Variants in GTF3C5 observed in about 807,000 individuals in gnomAD.
GTF3C5 encodes general transcription factor 3C polypeptide 5.
GTF3C5 carries 47 observed loss-of-function variants against 61.0 expected under a neutral mutation model. That is an observed-to-expected ratio of 0.77 (90% confidence interval 0.61 to 0.98). The LOEUF (loss-of-function observed/expected upper bound fraction) is 0.98, where lower values mean the gene tolerates loss of function less well. Ranked by LOEUF, GTF3C5 falls within the 50% of genes least tolerant of loss-of-function variation. GTF3C5 has a pLI of 0.00. For synonymous variants in GTF3C5, 295 were observed against 275.4 expected, an observed-to-expected ratio of 1.07 and a Z score of -0.71; for missense variants, 659 against 703.3, an observed-to-expected ratio of 0.94 and a Z score of 0.71.
chr9:133,035,340 G>A (rs982075699), intron 1 of GTF3C5, among the ~76,000 whole-genome samples: 1 of 152,106 alleles, frequency 6.6e-6, no homozygotes, highest in Non-Finnish European at 1.5e-5. Flanking sequence ...ACTTTGGGAC[G>A]GTCTTAACCC....
intron 3 of GTF3C5, 160 bp downstream of exon 3, chr9:133,044,086 A>G (rs566783618): frequency 4.5e-6 from 2 of 449,118 alleles, no homozygotes; most frequent in East Asian, 9.1e-5. Context: ...CGGAGGTTGC[A>G]GTGAGCCAAG....
chr9:133,056,726 G>C, intron 9 of GTF3C5, 40 bp from the exon 10 acceptor site: 1 of 1,544,904 alleles, frequency 6.5e-7, no homozygotes, highest in Non-Finnish European at 8.7e-7. Flanking sequence ...GCAGAGACCC[G>C]CCCTGGGACT....
intron 4 of GTF3C5, among the ~76,000 whole-genome samples, chr9:133,051,655 C>G (rs1008833178): frequency 6.6e-6 from 1 of 152,224 alleles, no homozygotes; most frequent in Non-Finnish European, 1.5e-5. Context: ...GCAGTCCTCC[C>G]CGGGCCAGGC....
At chr9:133,053,156 A>G (rs540380387) in intron 5 of GTF3C5, among the ~76,000 whole-genome samples, 1 of 152,246 alleles carries the variant, frequency 6.6e-6, no homozygotes, top group South Asian at 2.1e-4. Flanking sequence ...GGCTTTTTAG[A>G]CATAAGCCAT....
At chr9:133,046,676 A>G (rs1163559441) in intron 3 of GTF3C5, among the ~76,000 whole-genome samples, 1 of 152,200 alleles carries the variant, frequency 6.6e-6, no homozygotes, top group Non-Finnish European at 1.5e-5. Context: ...TAGACGGAGC[A>G]TGAGTACATG....
At chr9:133,040,634 A>G (rs1025228374) in intron 1 of GTF3C5, among the ~76,000 whole-genome samples, 3 of 152,206 alleles carry the variant, frequency 2.0e-5, no homozygotes, top group African/African-American at 4.8e-5. Flanking sequence ...AATGGTTGTT[A>G]CTGATTGATT....
chr9:133,055,534 T>C (rs1194593016), intron 8 of GTF3C5: 3 of 1,195,620 alleles, frequency 2.5e-6, no homozygotes, highest in Admixed American at 7.2e-5. Context: ...GAGGCCGTTA[T>C]CCTTACTCTA....
intron 3 of GTF3C5, among the ~76,000 whole-genome samples, chr9:133,045,072 T>A (rs12352456): frequency 6.6e-4 from 100 of 152,298 alleles, no homozygotes; most frequent in Middle Eastern, 3.4e-3. Context: ...ATGCCATACA[T>A]TGACATAAAA....
At chr9:133,042,424 T>C in intron 2 of GTF3C5, 118 bp downstream of exon 2, 1 of 720,324 alleles carries the variant, frequency 1.4e-6, no homozygotes, top group East Asian at 2.6e-5. Flanking sequence ...GCCCAGGGGC[T>C]GTGGGGACAC....
intron 3 of GTF3C5, among the ~76,000 whole-genome samples, chr9:133,050,125 G>T (rs1445912274): frequency 1.3e-5 from 2 of 152,036 alleles, no homozygotes; most frequent in Non-Finnish European, 1.5e-5. Flanking sequence ...CTGTTGGGTG[G>T]CAGGACAGGT....
At chr9:133,053,052 CT>C (rs891446576) in intron 5 of GTF3C5, among the ~76,000 whole-genome samples, 5 of 152,206 alleles carry the variant, frequency 3.3e-5, no homozygotes, top group African/African-American at 1.2e-4. Context: ...GTTGGTCAGG[CT>C]GGTCTCGAAC....
chr9:133,039,518 C>G (rs1374086078), intron 1 of GTF3C5, among the ~76,000 whole-genome samples: 1 of 152,140 alleles, frequency 6.6e-6, no homozygotes, highest in Non-Finnish European at 1.5e-5. Flanking sequence ...ATCTTCTCAC[C>G]TCACCCTGCC....
intron 3 of GTF3C5, among the ~76,000 whole-genome samples, chr9:133,045,529 G>A (rs899175413): frequency 6.6e-6 from 1 of 152,236 alleles, no homozygotes. Flanking sequence ...CCGGTGCCCA[G>A]AACAGAGCCT....
At chr9:133,050,029 G>A (rs1162252413) in intron 3 of GTF3C5, among the ~76,000 whole-genome samples, 3 of 152,198 alleles carry the variant, frequency 2.0e-5, no homozygotes, top group Non-Finnish European at 4.4e-5. Flanking sequence ...TTTAACCCCT[G>A]TGTTTCATGA....
At position 133,043,865 on chromosome 9, in the gene GTF3C5, C is replaced by A. The variant is rs772127575; in HGVS notation, c.511C>A (p.Pro171Thr). The A allele has an allele frequency of 3.7e-6, 6 of 1,614,130 alleles. No homozygotes were observed. The highest frequency in any genetic ancestry group is 5.1e-6 in the Non-Finnish European group (6 of 1,179,968). ...HQELPLYIPP[P>T]IFSRLDAPVD... ...GGAGCTGCCGCTCTACATCCCCCCA[C>A]CCATCTTCTCCCGGCTGGACGCCCC... The change falls in exon 3 of 11, where the codon CCC (proline) becomes ACC (threonine). Residue 171 changes from proline to threonine, a missense_variant. Physicochemically the swap from Pro to Thr is conservative, Grantham distance 38. Coordinates refer to ENST00000372097, the MANE Select transcript of GTF3C5 (RefSeq NM_012087.4).
intron 1 of GTF3C5, among the ~76,000 whole-genome samples, chr9:133,038,177 A>G (rs1222979128): frequency 6.6e-6 from 1 of 152,110 alleles, no homozygotes; most frequent in African/African-American, 2.4e-5. Context: ...GAAGATGGAG[A>G]ACAAAGAAGA....
upstream of GTF3C5, chr9:133,030,843 C>T: frequency 1.3e-6 from 1 of 765,894 alleles, no homozygotes. Flanking sequence ...TGGGCCCTCC[C>T]ATGGGCCATT....
chr9:133,055,627 A>G (rs1829915946), intron 8 of GTF3C5: 3 of 985,300 alleles, frequency 3.0e-6, no homozygotes, highest in Non-Finnish European at 3.6e-6. Context: ...AGGGCAGCCC[A>G]TAGGGGGACA....
chr9:133,057,658 TG>T (rs1829978720), intron 10 of GTF3C5, among the ~76,000 whole-genome samples, 155 bp from the exon 11 acceptor site: 1 of 151,978 alleles, frequency 6.6e-6, no homozygotes, highest in South Asian at 2.1e-4. Context: ...ACAGCTTCCC[TG>T]GGGGGCCTCC....
Sources: gnomAD v4.1 joint callset for allele counts (sites outside exome capture counted in the v4.1 genomes callset) on GRCh38, gnomAD v4.1.1 for gene constraint, MANE v1.5 for transcripts, NCBI Gene and HGNC (gene_info 2026-07-23, HGNC 2026-07-21) for gene names.